The following MAU2 variants were observed in gnomAD, a reference collection of about 807,000 sequenced individuals.
MAU2 encodes MAU2 chromatid cohesion factor homolog.
In MAU2, 9 loss-of-function variants were observed where a neutral mutation model predicts 89.1. The ratio of observed to expected loss-of-function variants is 0.10; its 90% CI spans 0.06 to 0.18. The LOEUF is 0.18. MAU2 is among the 10% of genes least tolerant of loss of function. The pLI, the probability that MAU2 is intolerant of heterozygous loss-of-function variation, is 1.00. For missense variants in MAU2, 425 were observed against 803.5 expected (o/e 0.53, Z 5.69); for synonymous variants, 357 against 343.4 (o/e 1.04, Z -0.44).
chr19:19,348,863 G>A (rs1472359451), intron 13 of MAU2, 26 bp from the exon 14 acceptor site: 25 of 1,613,682 alleles, frequency 1.5e-5, no homozygotes, highest in Non-Finnish European at 2.0e-5. Context: ...ATGCAGAATG[G>A]TGCTGACTGG....
At chr19:19,353,344 G>C (rs2061760097) in intron 16 of MAU2, 3 of 152,244 alleles carry the variant, frequency 2.0e-5, no homozygotes, top group Admixed American at 2.0e-4. Context: ...CAATAAGCCA[G>C]GCCTAGCGGA....
chr19:19,353,104 CA>C (rs2061758399), intron 16 of MAU2: 1 of 152,276 alleles, frequency 6.6e-6, no homozygotes, highest in Non-Finnish European at 1.5e-5. Context: ...GGTGAGGGTC[CA>C]GGGGCCCAGA....
At position 19,338,916 on chromosome 19, in the gene MAU2, G is replaced by C. The variant is rs375537806; in HGVS notation, c.528G>C (p.Arg176=). 2 of 1,613,542 alleles carry C rather than the reference G, an allele frequency of 1.2e-6. No homozygotes were observed. Among genetic ancestry groups the C allele is most frequent in the Non-Finnish European group, 1.7e-6 (2 of 1,179,900 alleles). The change falls in exon 5 of 19, where the codon CGG becomes CGC. Residue 176 remains arginine (R), a synonymous_variant. Coordinates refer to ENST00000262815, the MANE Select transcript of MAU2 (RefSeq NM_015329.4). ...DLLGVGAEYA[R]VVGSEYTRAL... is the part of the protein sequence containing the mutation. ...TGGGTGTAGGGGCCGAGTACGCCCGGGTGGTGGGATCTGAATACACACGGT... is the reference window on the plus strand; with the variant it reads ...TGGGTGTAGGGGCCGAGTACGCCCGCGTGGTGGGATCTGAATACACACGGT...
At chr19:19,341,530 C>A in intron 7 of MAU2, 123 bp downstream of exon 7, 1 of 1,174,446 alleles carries the variant, frequency 8.5e-7, no homozygotes, top group Non-Finnish European at 1.2e-6. Context: ...CACAACAGGG[C>A]TGTCATACCA....
At chr19:19,338,274 A>G (rs998604915) in intron 4 of MAU2, among the ~76,000 whole-genome samples, 1 of 152,194 alleles carries the variant, frequency 6.6e-6, no homozygotes, top group African/African-American at 2.4e-5. Context: ...CCATTAGCAG[A>G]CAAAGGAGCA....
chr19:19,335,776 T>C (rs1390399630), intron 2 of MAU2, 41 bp downstream of exon 2: 3 of 1,604,096 alleles, frequency 1.9e-6, no homozygotes, highest in African/African-American at 2.7e-5. Context: ...TAAGGAATTC[T>C]CCACTTAAAT....
At chr19:19,351,837 ATTTTTTTTTTTTT>A (rs35932608) in intron 16 of MAU2, among the ~76,000 whole-genome samples, 2 of 58,916 alleles carry the variant, frequency 3.4e-5, no homozygotes, top group Non-Finnish European at 6.1e-5. Context: ...CTGTTTGGTA[ATTTTTTTTTTTTT>A]TTTTTTTTTT....
rs374544116 is a variant in MAU2 at position 19,325,734 on chromosome 19, C to T, written c.276+4599C>T. Among the ~76,000 whole-genome samples, 5 of 152,324 alleles carry T rather than the reference C, an allele frequency of 3.3e-5. No homozygotes were observed. In the East Asian group the frequency reaches 5.8e-4, roughly 18 times the overall value. Reference sequence around the variant, plus strand: ...CCTCAGGTGATCTGCCCGCCTCAGCCTCCCAAAATGCCGGGATTACAGGCA... The same window carrying T: ...CCTCAGGTGATCTGCCCGCCTCAGCTTCCCAAAATGCCGGGATTACAGGCA... On this transcript the variant is annotated intron_variant, in intron 1 of 18. Transcript: ENST00000262815.
chr19:19,335,993 C>G (rs2061593452), intron 2 of MAU2, 129 bp from the exon 3 acceptor site: 1 of 753,962 alleles, frequency 1.3e-6, no homozygotes, highest in Non-Finnish European at 2.3e-6. Flanking sequence ...AACAGGAAAA[C>G]TTGGAATTTC....
In MAU2 at chr19:19,355,145, G is replaced by A. The variant is rs148480173; in HGVS notation, c.1640-119G>A. ...GGGCTCAGGTCCAGTGACGTGCCAG[G>A]CACCCAGAGATCCACCAGTGCAGCT... is the stretch of plus-strand genomic sequence containing the variant. On this transcript the variant is annotated intron_variant, in intron 17 of 18. Coordinates refer to ENST00000262815, the MANE Select transcript of MAU2 (RefSeq NM_015329.4). 3.0e-3 allele frequency: 3,963 copies of A among 1,313,404 alleles called. 11 individuals carry two copies. The highest frequency in any genetic ancestry group is 4.1e-3 in the Admixed American group (193 of 47,266). The allele number at this position is 1,313,404 out of a possible 1,614,324, so 81.4% of individuals were successfully genotyped here.
chr19:19,333,011 A>C (rs1392715510), intron 1 of MAU2, among the ~76,000 whole-genome samples: 2 of 151,850 alleles, frequency 1.3e-5, no homozygotes. Flanking sequence ...TGGGAAGCGG[A>C]GGTTGCGGTG....
rs114834383 is a variant in MAU2 at position 19,356,188 on chromosome 19, C to T, written c.*406C>T. On this transcript the variant is annotated 3_prime_UTR_variant, in exon 19 of 19. Transcript: ENST00000262815. ...CCATCACCCAGGCCTTGATGCCGAG[C>T]GGGAGTAGAGTGTTTCCTCTGCTCA... is the stretch of plus-strand genomic sequence containing the variant. 70 of 388,452 alleles carry T rather than the reference C, an allele frequency of 1.8e-4. No homozygotes were observed. The highest frequency in any genetic ancestry group is 1.3e-3 in the African/African-American group (62 of 48,510). The allele number at this position is 388,452 out of a possible 1,614,324, so 24.1% of individuals were successfully genotyped here. A position where few individuals can be genotyped will look rare whatever the true frequency, so the allele number is the denominator to read the frequency against.
At chr19:19,334,342 G>A in intron 1 of MAU2, 1 of 985,774 alleles carries the variant, frequency 1.0e-6, no homozygotes, top group South Asian at 4.7e-5. Context: ...GCGTGTGGGT[G>A]CATGTGTGTC....
chr19:19,320,870 A>C lies in MAU2; in HGVS notation c.11A>C (p.Gln4Pro). 6.6e-7 allele frequency: 1 copy of C among 1,518,152 alleles called. No homozygotes were observed. The allele number at this position is 1,518,152 out of a possible 1,614,324, so 94.0% of individuals were successfully genotyped here. Residue 4 changes from glutamine (Q) to proline (P), a missense_variant, in exon 1 of 19, where the codon CAG (glutamine) becomes CCG (proline). By Grantham distance (76) the Gln-to-Pro change is moderately conservative. Coordinates refer to ENST00000262815, the MANE Select transcript of MAU2 (RefSeq NM_015329.4). MAAQAAAAAQAAAA... is the reference protein window; with the variant it reads MAAPAAAAAQAAAA... The stretch of plus-strand genomic sequence containing the variant: ...GTTGTGGAGGCCAAAATGGCGGCTC[A>C]GGCGGCGGCAGCGGCCCAGGCGGCG...
At chr19:19,349,533 C>G in intron 16 of MAU2, 97 bp downstream of exon 16, 1 of 1,035,116 alleles carries the variant, frequency 9.7e-7, no homozygotes, top group South Asian at 1.3e-5. Flanking sequence ...TGGCACTGTT[C>G]ATCCTATGCC....
chr19:19,330,044 A>G (rs910877835), intron 1 of MAU2, among the ~76,000 whole-genome samples: 3 of 151,462 alleles, frequency 2.0e-5, no homozygotes, highest in African/African-American at 7.3e-5. Context: ...CAGTGGCGCA[A>G]TCTTAGCTCC....
chr19:19,327,121 C>CTT lies in MAU2; in HGVS notation c.276+6004_276+6005dup, dbSNP rs768273058. On this transcript the variant is annotated intron_variant, in intron 1 of 18. Transcript: ENST00000262815. ...CCACCACACACAGCCTCCCCAGGAGCTTTTTTTTTTTTTTTTTTTAGATGG... is the reference window on the plus strand; with the variant it reads ...CCACCACACACAGCCTCCCCAGGAGCTTTTTTTTTTTTTTTTTTTTTAGATGG... Among the ~76,000 whole-genome samples, 1,132 of 114,226 alleles carry CTT rather than the reference C, an allele frequency of 9.9e-3. 26 individuals carry two copies. The highest frequency in any genetic ancestry group is 0.033 in the African/African-American group (998 of 29,962). The allele number at this position is 114,226 out of a possible 152,430, so 74.9% of individuals were successfully genotyped here.
At chr19:19,338,435 T>G (rs962484313) in intron 4 of MAU2, among the ~76,000 whole-genome samples, 15 of 152,220 alleles carry the variant, frequency 9.9e-5, no homozygotes. Flanking sequence ...CTGTTCAGAC[T>G]TTGACACTTG....
At chr19:19,355,111 C>T in intron 17 of MAU2, 153 bp from the exon 18 acceptor site, 1 of 1,009,080 alleles carries the variant, frequency 9.9e-7, no homozygotes. Context: ...GCTTTGTGAT[C>T]CCAAGACAGG....
Sources: gnomAD v4.1 joint callset for allele counts (sites outside exome capture counted in the v4.1 genomes callset) on GRCh38, gnomAD v4.1.1 for gene constraint, MANE v1.5 for transcripts, NCBI Gene and HGNC (gene_info 2026-07-23, HGNC 2026-07-21) for gene names.